The following SMYD3 variants were observed in gnomAD, a reference collection of about 807,000 sequenced individuals.
The protein encoded by SMYD3 is SET and MYND domain containing 3, also known as histone-lysine N-methyltransferase SMYD3.
A neutral mutation model predicts 57.7 loss-of-function variants in SMYD3; 36 were observed. The ratio of observed to expected loss-of-function variants is 0.62; its 90% confidence interval spans 0.48 to 0.82. The LOEUF is 0.82. SMYD3 is among the 40% of genes least tolerant of loss of function. The pLI, the probability that SMYD3 is intolerant of heterozygous loss-of-function variation, is 0.00. For missense variants in SMYD3, 515 were observed against 538.8 expected (o/e 0.96, Z 0.44); for synonymous variants, 211 against 195.0 (o/e 1.08, Z -0.68).
intron 10 of SMYD3, among the ~76,000 whole-genome samples, chr1:245,817,222 C>T (rs370243629): frequency 1.4e-5 from 2 of 145,874 alleles, no homozygotes; most frequent in Admixed American, 6.9e-5. Flanking sequence ...ACTGCCTCCT[C>T]AAGTGGGTCC....
chr1:246,067,365 C>T (rs184690867), intron 5 of SMYD3, among the ~76,000 whole-genome samples: 6 of 152,296 alleles, frequency 3.9e-5, no homozygotes, highest in East Asian at 3.9e-4. Context: ...AGCATTCTCT[C>T]ATCCACTCAC....
intron 11 of SMYD3, among the ~76,000 whole-genome samples, chr1:245,752,915 A>G (rs754288557): frequency 7.9e-5 from 12 of 152,314 alleles, no homozygotes; most frequent in Admixed American, 3.9e-4. Context: ...CTCAGGACTC[A>G]ACCCAGTGTG....
At chr1:246,420,523 T>C (rs929546482) in intron 1 of SMYD3, among the ~76,000 whole-genome samples, 8 of 152,204 alleles carry the variant, frequency 5.3e-5, no homozygotes, top group Non-Finnish European at 1.0e-4. Flanking sequence ...GGAGAGAATA[T>C]GTGAAGAACA....
At chr1:245,812,538 G>A (rs754533485) in intron 10 of SMYD3, among the ~76,000 whole-genome samples, 19 of 152,082 alleles carry the variant, frequency 1.2e-4, no homozygotes, top group Non-Finnish European at 2.5e-4. Flanking sequence ...CGTCACCAGG[G>A]CTGCCCGAGG....
chr1:245,847,684 T>G (rs139138207), intron 10 of SMYD3, among the ~76,000 whole-genome samples: 1 of 144,662 alleles, frequency 6.9e-6, no homozygotes, highest in African/African-American at 2.6e-5. Flanking sequence ...ACAGGAGAAA[T>G]TCAATGCATC....
chr1:246,166,110 A>G (rs960728603), intron 5 of SMYD3, among the ~76,000 whole-genome samples: 2 of 151,206 alleles, frequency 1.3e-5, no homozygotes, highest in African/African-American at 4.9e-5. Flanking sequence ...TAAAAAAAAA[A>G]GAAGAAGAAA....
chr1:246,122,591 C>T (rs1463352511), intron 5 of SMYD3, among the ~76,000 whole-genome samples: 1 of 152,144 alleles, frequency 6.6e-6, no homozygotes, highest in East Asian at 1.9e-4. Flanking sequence ...ATGAAATATC[C>T]CTAGTTGCCA....
At chr1:246,470,527 A>G (rs2067946778) in intron 1 of SMYD3, among the ~76,000 whole-genome samples, 1 of 147,638 alleles carries the variant, frequency 6.8e-6, no homozygotes, top group South Asian at 2.1e-4. Context: ...AAAAATATAT[A>G]TATATATAAT....
At chr1:245,785,743 G>A (rs779843726) in intron 10 of SMYD3, among the ~76,000 whole-genome samples, 21 of 152,126 alleles carry the variant, frequency 1.4e-4, no homozygotes, top group Non-Finnish European at 2.9e-4. Flanking sequence ...CTCTGCCACC[G>A]GCTGCAGTGT....
intron 11 of SMYD3, among the ~76,000 whole-genome samples, chr1:245,760,454 G>A (rs1356726689): frequency 1.3e-5 from 2 of 152,130 alleles, no homozygotes; most frequent in Non-Finnish European, 2.9e-5. Context: ...CAGGTCACGT[G>A]AGCTTTCCTA....
At chr1:245,899,070 G>T (rs1380889869) in intron 8 of SMYD3, among the ~76,000 whole-genome samples, 3 of 152,234 alleles carry the variant, frequency 2.0e-5, no homozygotes, top group Non-Finnish European at 2.9e-5. Flanking sequence ...ATAATATGCA[G>T]ATGTAGACAC....
intron 5 of SMYD3, among the ~76,000 whole-genome samples, chr1:246,051,652 C>CAA (rs199982021): frequency 7.6e-5 from 10 of 131,738 alleles, no homozygotes; most frequent in Middle Eastern, 3.9e-3. Flanking sequence ...TTCTGCAGTA[C>CAA]AAAAAAAAAA....
At chr1:246,372,292 C>G (rs1167339610) in intron 1 of SMYD3, among the ~76,000 whole-genome samples, 1 of 152,210 alleles carries the variant, frequency 6.6e-6, no homozygotes, top group Non-Finnish European at 1.5e-5. Context: ...CAAGAGAAGG[C>G]TCTCCATGGC....
intron 1 of SMYD3, among the ~76,000 whole-genome samples, chr1:246,461,896 G>A (rs1245059262): frequency 1.3e-5 from 2 of 152,114 alleles, no homozygotes; most frequent in Non-Finnish European, 2.9e-5. Context: ...TTAATTGATT[G>A]TCTGCCTAAT....
chr1:245,762,317 A>C (rs1016206801), intron 11 of SMYD3, among the ~76,000 whole-genome samples: 1 of 152,232 alleles, frequency 6.6e-6, no homozygotes, highest in Non-Finnish European at 1.5e-5. Context: ...AGCAGTATTC[A>C]TAGTTTCTAG....
At chr1:246,377,875 A>G (rs569146291) in intron 1 of SMYD3, among the ~76,000 whole-genome samples, 16 of 152,292 alleles carry the variant, frequency 1.1e-4, no homozygotes, top group African/African-American at 3.4e-4. Context: ...GGAGGAATTT[A>G]CACTCTCACA....
chr1:246,177,584 A>C (rs568561305), intron 5 of SMYD3, among the ~76,000 whole-genome samples: 1 of 152,214 alleles, frequency 6.6e-6, no homozygotes, highest in Admixed American at 6.5e-5. Context: ...AAAAAGAACA[A>C]AGGTAGGTAT....
intron 5 of SMYD3, among the ~76,000 whole-genome samples, chr1:246,033,498 A>G (rs1014344633): frequency 1.3e-5 from 2 of 152,156 alleles, no homozygotes; most frequent in African/African-American, 2.4e-5. Context: ...TCAAAACATC[A>G]ATGTTCTGGC....
chr1:245,936,486 A>G (rs1261518440), intron 5 of SMYD3, among the ~76,000 whole-genome samples: 1 of 152,220 alleles, frequency 6.6e-6, no homozygotes, highest in Non-Finnish European at 1.5e-5. Context: ...CATAGAAGTC[A>G]TGAAACATAA....
Sources: gnomAD v4.1 joint callset for allele counts (sites outside exome capture counted in the v4.1 genomes callset) on GRCh38, gnomAD v4.1.1 for gene constraint, MANE v1.5 for transcripts, NCBI Gene and HGNC (gene_info 2026-07-23, HGNC 2026-07-21) for gene names.